RBFOX1: variants seen among roughly 807,000 people sequenced by gnomAD.
RBFOX1 encodes the protein RNA binding fox-1 homolog 1.
A neutral mutation model predicts 57.7 loss-of-function variants in RBFOX1; 8 were observed. The ratio of observed to expected loss-of-function variants is 0.14; its 90% confidence interval spans 0.08 to 0.25. RBFOX1 has a LOEUF of 0.25. Among genes scored for constraint, RBFOX1 ranks in the 10% least tolerant of loss-of-function variants. The probability of loss-of-function intolerance (pLI) is 1.00; values close to 1 mark genes in which losing one functional copy is unlikely to be tolerated. For missense variants in RBFOX1, 611 were observed against 548.5 expected (o/e 1.11, Z -1.14); for synonymous variants, 326 against 222.4 (o/e 1.47, Z -4.15).
chr16:6,314,956 T>C (rs918307386), intron 1 of RBFOX1, among the ~76,000 whole-genome samples: 2 of 152,228 alleles, frequency 1.3e-5, no homozygotes, highest in Non-Finnish European at 2.9e-5. Context: ...ACTTCCTTGA[T>C]GGAGCCTTCC....
intron 1 of RBFOX1, among the ~76,000 whole-genome samples, chr16:5,381,014 A>G (rs561349028): frequency 6.6e-6 from 1 of 152,372 alleles, no homozygotes; most frequent in South Asian, 2.1e-4. Flanking sequence ...GGCGGAAAGC[A>G]TGGCTTGAGC....
intron 1 of RBFOX1, among the ~76,000 whole-genome samples, chr16:6,133,611 C>A (rs563155918): frequency 2.0e-5 from 3 of 152,346 alleles, no homozygotes; most frequent in African/African-American, 7.2e-5. Context: ...TCTTATTTCA[C>A]TCCCTACCTA....
At chr16:6,331,782 AT>A (rs1555628759) in intron 2 of RBFOX1, among the ~76,000 whole-genome samples, 1 of 150,626 alleles carries the variant, frequency 6.6e-6, no homozygotes, top group Admixed American at 6.6e-5. Context: ...AAAAAAAAAA[AT>A]TGTATTTATT....
rs28455711 is a variant in RBFOX1 at position 6,666,559 on chromosome 16, C to A, written c.-16+11909C>A. Among the ~76,000 whole-genome samples, 397 of 107,650 alleles carry A rather than the reference C, an allele frequency of 3.7e-3. 4 individuals carry two copies. Among genetic ancestry groups the A allele is most frequent in the East Asian group, 8.7e-3 (26 of 3,002 alleles). The allele number at this position is 107,650 out of a possible 152,430, so 70.6% of individuals were successfully genotyped here. A position where few individuals can be genotyped will look rare whatever the true frequency, so the allele number is the denominator to read the frequency against. The stretch of plus-strand genomic sequence containing the variant: ...TGTCTCCAAAAAAAAAAAAAAAAAA[C>A]AAATCATGTCACTGAGGTCACCCAG... On this transcript the variant is annotated intron_variant, in intron 3 of 15. Coordinates refer to ENST00000550418, the MANE Select transcript of RBFOX1 (RefSeq NM_018723.4).
At chr16:6,431,415 G>A (rs1444794738) in intron 2 of RBFOX1, among the ~76,000 whole-genome samples, 3 of 152,060 alleles carry the variant, frequency 2.0e-5, no homozygotes, top group Non-Finnish European at 4.4e-5. Flanking sequence ...CGTTTTGGTG[G>A]CATGCAGTGA....
At chr16:7,378,272 G>C (rs2097721753) in intron 4 of RBFOX1, among the ~76,000 whole-genome samples, 1 of 152,172 alleles carries the variant, frequency 6.6e-6, no homozygotes, top group Non-Finnish European at 1.5e-5. Flanking sequence ...TGAGGGCAAG[G>C]AGGATCGGGA....
chr16:7,325,036 T>C (rs1045524264), intron 4 of RBFOX1, among the ~76,000 whole-genome samples: 1 of 152,242 alleles, frequency 6.6e-6, no homozygotes, highest in African/African-American at 2.4e-5. Context: ...AAGAAGGCAC[T>C]TCACAAGTTG....
rs139277317 is a variant in RBFOX1, at chr16:6,950,586, A to G, written c.-15-101471A>G. ...GTGTTAGGAGACTTATTTCCATAGC[A>G]TTAAGATAATACAATATATATGCAG... On this transcript the variant is annotated intron_variant, in intron 3 of 15. Coordinates refer to ENST00000550418, the MANE Select transcript of RBFOX1 (RefSeq NM_018723.4). Among the ~76,000 whole-genome samples the G allele has an allele frequency of 7.3e-3, 1,112 of 152,320 alleles. 6 individuals are homozygous for G. Among genetic ancestry groups the G allele is most frequent in the Non-Finnish European group, 0.011 (729 of 68,024 alleles).
intron 3 of RBFOX1, among the ~76,000 whole-genome samples, chr16:6,899,044 G>A (rs899411024): frequency 2.6e-5 from 4 of 151,522 alleles, no homozygotes; most frequent in Non-Finnish European, 5.9e-5. Flanking sequence ...ATGTGTGTAT[G>A]CATGTGTATG....
rs374175180 is a variant in RBFOX1, at chr16:6,506,563, C to G, written c.-63-148040C>G. Among the ~76,000 whole-genome samples, 579 of 147,440 alleles carry G rather than the reference C, an allele frequency of 3.9e-3. 3 individuals carry two copies. The Middle Eastern group carries it at 0.04, about 10-fold the overall frequency. The stretch of plus-strand genomic sequence containing the variant: ...GACATCTATGGACCCACAGTGTAGT[C>G]TAGACTCACCTTTGATGTTGAATTT... On this transcript the variant is annotated intron_variant, in intron 2 of 15. Coordinates refer to ENST00000550418, the MANE Select transcript of RBFOX1 (RefSeq NM_018723.4).
At chr16:7,602,640 T>C (rs2095093350) in intron 9 of RBFOX1, among the ~76,000 whole-genome samples, 1 of 152,180 alleles carries the variant, frequency 6.6e-6, no homozygotes, top group African/African-American at 2.4e-5. Flanking sequence ...TGTGGGTTCA[T>C]TTGCATGTGA....
chr16:7,005,055 C>T lies in RBFOX1; in HGVS notation c.-15-47002C>T, dbSNP rs538245915. Among the ~76,000 whole-genome samples, 11 of 152,166 alleles carry T rather than the reference C, an allele frequency of 7.2e-5. No homozygotes were observed. The East Asian group carries it at 2.1e-3, about 30-fold the overall frequency. On this transcript the variant is annotated intron_variant, in intron 3 of 15. Transcript: ENST00000550418. The stretch of plus-strand genomic sequence containing the variant: ...GCTACTTGGGAGGCTGAGGCAGGAG[C>T]ATTCCTTGAATCCAGGAGGCAGAAG...
At chr16:5,765,939 C>G (rs1288300343) in intron 3 of RBFOX1, among the ~76,000 whole-genome samples, 2 of 152,162 alleles carry the variant, frequency 1.3e-5, no homozygotes, top group East Asian at 3.9e-4. Flanking sequence ...CACTACCCAG[C>G]TACATGGTTA....
At chr16:6,597,631 A>G (rs2097789974) in intron 2 of RBFOX1, among the ~76,000 whole-genome samples, 2 of 152,082 alleles carry the variant, frequency 1.3e-5, no homozygotes. Flanking sequence ...CTGAGATAGC[A>G]CCATTGCACT....
intron 4 of RBFOX1, among the ~76,000 whole-genome samples, chr16:7,322,731 G>C (rs559179497): frequency 6.6e-6 from 1 of 152,256 alleles, no homozygotes. Context: ...AGGCTCAATG[G>C]TATGGGAAAA....
At chr16:5,292,303 C>G (rs1296878502) in intron 1 of RBFOX1, among the ~76,000 whole-genome samples, 1 of 152,194 alleles carries the variant, frequency 6.6e-6, no homozygotes, top group Non-Finnish European at 1.5e-5. Flanking sequence ...GCATTTCCAG[C>G]CAAACCCATT....
At chr16:7,077,581 T>A (rs74998944) in intron 4 of RBFOX1, among the ~76,000 whole-genome samples, 5,029 of 152,324 alleles carry the variant, frequency 0.033, 132 homozygotes, top group Non-Finnish European at 0.05. Flanking sequence ...AATTTGCTGC[T>A]AAGTTCCTCA....
intron 3 of RBFOX1, among the ~76,000 whole-genome samples, chr16:5,788,554 G>A (rs1392995877): frequency 1.6e-4 from 25 of 152,090 alleles, no homozygotes; most frequent in South Asian, 6.4e-4. Flanking sequence ...GCTTGAACCC[G>A]GGAGGCAGAG....
intron 3 of RBFOX1, among the ~76,000 whole-genome samples, chr16:5,654,417 A>T (rs767444088): frequency 3.3e-5 from 5 of 151,592 alleles, no homozygotes; most frequent in Non-Finnish European, 7.4e-5. Flanking sequence ...TCAAATCAGG[A>T]CTCCCCCCAA....
Sources: allele counts gnomAD v4.1 joint callset (sites outside exome capture counted in the v4.1 genomes callset), GRCh38; gene constraint gnomAD v4.1.1; transcripts MANE v1.5; gene names NCBI Gene and HGNC (gene_info 2026-07-23, HGNC 2026-07-21).